ARSB: variants seen among roughly 807,000 people sequenced by gnomAD.
ARSB encodes the protein N-acetylgalactosamine-4-sulfatase.
A neutral mutation model predicts 50.9 loss-of-function variants in ARSB; 41 were observed. The observed-to-expected ratio is 0.81, with a 90% CI of 0.63 to 1.04. The LOEUF is 1.04. Among genes scored for constraint, ARSB ranks in the 50% least tolerant of loss-of-function variants. ARSB has a pLI of 0.00. For missense variants in ARSB, 672 were observed against 693.3 expected (o/e 0.97, Z 0.35); for synonymous variants, 269 against 284.8 (o/e 0.94, Z 0.56).
intron 4 of ARSB, among the ~76,000 whole-genome samples, chr5:78,944,616 G>C (rs1450833409): frequency 6.6e-6 from 1 of 152,210 alleles, no homozygotes; most frequent in African/African-American, 2.4e-5. Context: ...AGCAAATGTT[G>C]CTGCATGATC....
chr5:78,936,125 C>CTTTTTTTTTTTTTTTTTTT (rs1373039865), intron 4 of ARSB, among the ~76,000 whole-genome samples: 1 of 90,012 alleles, frequency 1.1e-5, no homozygotes, highest in African/African-American at 4.7e-5. Context: ...TCCTCTCTCT[C>CTTTTTTTTTTTTTTTTTTT]TCTCTTTTTT....
chr5:78,873,670 T>C (rs1414828655), intron 5 of ARSB, among the ~76,000 whole-genome samples: 1 of 150,788 alleles, frequency 6.6e-6, no homozygotes, highest in Non-Finnish European at 1.5e-5. Context: ...TAATTTTTTG[T>C]ATTTTTAGTA....
chr5:78,942,130 C>A (rs1750962832), intron 4 of ARSB, among the ~76,000 whole-genome samples: 1 of 152,052 alleles, frequency 6.6e-6, no homozygotes, highest in African/African-American at 2.4e-5. Flanking sequence ...GTGGTGATAT[C>A]CCCTTTATCA....
chr5:78,913,208 T>G (rs1280314906), intron 4 of ARSB, among the ~76,000 whole-genome samples: 1 of 151,378 alleles, frequency 6.6e-6, no homozygotes, highest in African/African-American at 2.4e-5. Context: ...CACTGCAGGC[T>G]CCGCCTCCCA....
At chr5:78,833,438 A>C (rs1377438042) in intron 6 of ARSB, among the ~76,000 whole-genome samples, 1 of 152,236 alleles carries the variant, frequency 6.6e-6, no homozygotes, top group African/African-American at 2.4e-5. Flanking sequence ...ACAGAGACCA[A>C]AGCACTTCCA....
chr5:78,887,018 C>T (rs1243471043), intron 4 of ARSB, among the ~76,000 whole-genome samples: 1 of 152,214 alleles, frequency 6.6e-6, no homozygotes. Context: ...AGGCCAGACA[C>T]TCACTAGCTG....
At position 78,815,720 on chromosome 5, in the gene ARSB, A is replaced by G; in HGVS notation, c.1213+23636T>C. ...CCATATTACTGTAAGACAAGTATAA[A>G]GGGCTTGCATTTTATTTCCACAAGG... On this transcript the variant is annotated intron_variant, in intron 6 of 7. Transcript: ENST00000264914. The G allele has an allele frequency of 9.9e-6, 11 of 1,114,360 alleles. 1 individual carries two copies. The highest frequency in any genetic ancestry group is 1.2e-5 in the Non-Finnish European group (11 of 908,306). 69.0% of individuals were successfully genotyped at this position (1,114,360 alleles called of 1,614,324 possible).
At chr5:78,802,633 G>A (rs1256704157) in intron 6 of ARSB, among the ~76,000 whole-genome samples, 4 of 152,158 alleles carry the variant, frequency 2.6e-5, no homozygotes, top group Admixed American at 6.6e-5. Flanking sequence ...AGAGGCCGTG[G>A]AGGAGAATAA....
chr5:78,924,819 T>C (rs1749973956), intron 4 of ARSB, among the ~76,000 whole-genome samples: 1 of 152,186 alleles, frequency 6.6e-6, no homozygotes, highest in African/African-American at 2.4e-5. Flanking sequence ...GATAATGACA[T>C]GTAACTTTAA....
Position 78,966,926 on chromosome 5 carries a change from T to TAA in ARSB, c.499+2078_499+2079dup, listed in dbSNP as rs35103058. On this transcript the variant is annotated intron_variant, in intron 2 of 7. Transcript: ENST00000264914. ...TACTGAGAATACATCCGGGTCCATT[T>TAA]AAAAAAAAAAAAAAAAAAGCTAAGA... Among the ~76,000 whole-genome samples the TAA allele has an allele frequency of 9.7e-4, 138 of 141,822 alleles. 1 individual carries two copies. Among genetic ancestry groups the TAA allele is most frequent in the Admixed American group, 2.8e-3 (40 of 14,274 alleles). 93.0% of individuals were successfully genotyped at this position (141,822 alleles called of 152,430 possible).
At position 78,882,257 on chromosome 5, in the gene ARSB, G is replaced by A. The variant is rs568095924; in HGVS notation, c.1142+3327C>T. The stretch of plus-strand genomic sequence containing the variant: ...TTAGCCCTGGGGAGAAGGGGTTCTG[G>A]TTTCTATGACCTGCCCTGGGGAAGA... On this transcript the variant is annotated intron_variant, in intron 5 of 7. Transcript: ENST00000264914. Among the ~76,000 whole-genome samples the A allele has an allele frequency of 1.3e-5, 2 of 152,212 alleles. 1 individual carries two copies. Among genetic ancestry groups the A allele is most frequent in the South Asian group, 4.1e-4 (2 of 4,834 alleles).
At chr5:78,943,601 T>C (rs1308329735) in intron 4 of ARSB, among the ~76,000 whole-genome samples, 2 of 152,232 alleles carry the variant, frequency 1.3e-5, no homozygotes, top group Admixed American at 6.5e-5. Context: ...TGTTGAATAT[T>C]GGCCCCCACT....
In ARSB at chr5:78,787,122, C is replaced by CTATCTATCTATT. The variant is rs1554070209; in HGVS notation, c.1214-5149_1214-5148insAATAGATAGATA. On this transcript the variant is annotated intron_variant, in intron 6 of 7. Coordinates refer to ENST00000264914, the MANE Select transcript of ARSB (RefSeq NM_000046.5). ...TCTATCTATCTATCTATCTATCTATCTATCTATCTATCTATATAGATACAG... is the reference window on the plus strand; with the variant it reads ...TCTATCTATCTATCTATCTATCTATCTATCTATCTATTTATCTATCTATCTATATAGATACAG... 7.7e-4 allele frequency among the ~76,000 whole-genome samples: 116 copies of CTATCTATCTATT among 150,792 alleles called. 1 individual carries two copies. Among genetic ancestry groups the CTATCTATCTATT allele is most frequent in the African/African-American group, 2.8e-3 (113 of 40,486 alleles).
rs1473995336 is a variant in ARSB at position 78,919,738 on chromosome 5, G to A, written c.899-33911C>T. 8.5e-5 allele frequency among the ~76,000 whole-genome samples: 13 copies of A among 152,068 alleles called. No individual in the cohort carries two copies. In the South Asian group the frequency reaches 1.2e-3, roughly 15 times the overall value. On this transcript the variant is annotated intron_variant, in intron 4 of 7. Coordinates refer to ENST00000264914, the MANE Select transcript of ARSB (RefSeq NM_000046.5). ...GAACTCCTGACCTCATGATCTGCCC[G>A]CCTCGGCCTCCCAAAGTACAGGAGT... is the stretch of plus-strand genomic sequence containing the variant.
chr5:78,915,787 T>C (rs530840972), intron 4 of ARSB, among the ~76,000 whole-genome samples: 2 of 152,304 alleles, frequency 1.3e-5, no homozygotes, highest in East Asian at 3.9e-4. Flanking sequence ...CTGAAGGTAA[T>C]TTTATACAAT....
At position 78,778,194 on chromosome 5, in the gene ARSB, C is replaced by G. The variant is rs1748824353; in HGVS notation, c.*2203G>C. ...GATTCGGAGGATGCAGAAGGAACAT[C>G]TGGGCTCAGCTATTTCATGCTGTCG... is the stretch of plus-strand genomic sequence containing the variant. On this transcript the variant is annotated 3_prime_UTR_variant, in exon 8 of 8. Transcript: ENST00000264914. 1 of 152,212 alleles carries G rather than the reference C, an allele frequency of 6.6e-6. No individual in the cohort carries two copies. The highest frequency in any genetic ancestry group is 2.4e-5 in the African/African-American group (1 of 41,446). The allele number at this position is 152,212 out of a possible 1,614,324, so 9.4% of individuals were successfully genotyped here. A position where few individuals can be genotyped will look rare whatever the true frequency, so the allele number is the denominator to read the frequency against.
intron 4 of ARSB, among the ~76,000 whole-genome samples, chr5:78,940,000 T>G (rs151306498): frequency 1.3e-5 from 2 of 152,094 alleles, no homozygotes; most frequent in Non-Finnish European, 2.9e-5. Flanking sequence ...GGTATCTCAT[T>G]GTGATTTTGT....
chr5:78,869,229 C>A lies in ARSB; in HGVS notation c.1142+16355G>T, dbSNP rs1431849351. The stretch of plus-strand genomic sequence containing the variant: ...ATTAATAATGGGAGACTTCAATACC[C>A]CACTGTCAACATTAGACAGATCAAC... On this transcript the variant is annotated intron_variant, in intron 5 of 7. Transcript: ENST00000264914. 4.9e-5 allele frequency among the ~76,000 whole-genome samples: 5 copies of A among 101,086 alleles called. 1 individual carries two copies. Among genetic ancestry groups the A allele is most frequent in the Non-Finnish European group, 1.0e-4 (5 of 47,660 alleles). The allele number at this position is 101,086 out of a possible 152,430, so 66.3% of individuals were successfully genotyped here. A position where few individuals can be genotyped will look rare whatever the true frequency, so the allele number is the denominator to read the frequency against.
chr5:78,940,518 C>T (rs982945737), intron 4 of ARSB, among the ~76,000 whole-genome samples: 11 of 152,154 alleles, frequency 7.2e-5, no homozygotes, highest in Admixed American at 7.2e-4. Flanking sequence ...GCCAGCTTTC[C>T]CAGCACCATT....
Sources: gnomAD v4.1 joint callset for allele counts (sites outside exome capture counted in the v4.1 genomes callset) on GRCh38, gnomAD v4.1.1 for gene constraint, MANE v1.5 for transcripts, NCBI Gene and HGNC (gene_info 2026-07-23, HGNC 2026-07-21) for gene names.